The following TYW1 variants were observed in gnomAD, a reference collection of about 807,000 sequenced individuals.
TYW1 encodes the protein S-adenosyl-L-methionine-dependent tRNA 4-demethylwyosine synthase TYW1.
TYW1 carries 46 observed loss-of-function variants against 96.2 expected under a neutral mutation model. That is an observed-to-expected ratio of 0.48 (90% CI 0.38 to 0.61). TYW1 has a LOEUF of 0.61. Among genes scored for constraint, TYW1 ranks in the 20% least tolerant of loss-of-function variants. The probability of loss-of-function intolerance (pLI) is 0.00; values close to 1 mark genes in which losing one functional copy is unlikely to be tolerated. For missense variants in TYW1, 684 were observed against 909.6 expected (o/e 0.75, Z 3.19); for synonymous variants, 274 against 323.0 (o/e 0.85, Z 1.63).
chr7:67,084,037 GAAATAAAT>G (rs535966004), intron 11 of TYW1, among the ~76,000 whole-genome samples: 1 of 152,072 alleles, frequency 6.6e-6, no homozygotes, highest in Admixed American at 6.6e-5. Flanking sequence ...CTCCATCTCA[GAAATAAAT>G]AAATAAATAA....
chr7:67,090,292 T>C (rs1026793450), intron 11 of TYW1, among the ~76,000 whole-genome samples: 3 of 152,202 alleles, frequency 2.0e-5, no homozygotes, highest in Admixed American at 6.5e-5. Flanking sequence ...GGGCAGGTCG[T>C]TGGGAAGATT....
At chr7:66,999,952 T>C (rs550621191) in intron 3 of TYW1, among the ~76,000 whole-genome samples, 4 of 152,226 alleles carry the variant, frequency 2.6e-5, no homozygotes. Context: ...TTTCTTTTTT[T>C]AAAGACAGGG....
At chr7:67,168,154 CA>C (rs1365291108) in intron 13 of TYW1, among the ~76,000 whole-genome samples, 1 of 136,050 alleles carries the variant, frequency 7.4e-6, no homozygotes, top group Admixed American at 7.3e-5. Context: ...TTTATCATAT[CA>C]TTTTTTTTGC....
chr7:67,214,542 T>C (rs1801146228), intron 15 of TYW1, among the ~76,000 whole-genome samples: 1 of 152,176 alleles, frequency 6.6e-6, no homozygotes, highest in Non-Finnish European at 1.5e-5. Context: ...TAATCTTGAA[T>C]AGGAATGGTG....
At chr7:67,173,172 ATG>A (rs978969491) in intron 13 of TYW1, among the ~76,000 whole-genome samples, 3 of 152,158 alleles carry the variant, frequency 2.0e-5, no homozygotes, top group Non-Finnish European at 4.4e-5. Flanking sequence ...TTCCAAAAGA[ATG>A]TGTTTTTATA....
At chr7:67,021,545 C>T (rs1284653970) in intron 6 of TYW1, among the ~76,000 whole-genome samples, 6 of 152,268 alleles carry the variant, frequency 3.9e-5, no homozygotes, top group African/African-American at 7.2e-5. Context: ...ATTTGGAGCC[C>T]ACTGCATGGC....
intron 9 of TYW1, among the ~76,000 whole-genome samples, chr7:67,061,154 G>C (rs11768286): frequency 0.063 from 9,621 of 152,204 alleles, 420 homozygotes; most frequent in South Asian, 0.11. Flanking sequence ...TTTGAACCCG[G>C]GAGGTGGAGG....
intron 7 of TYW1, among the ~76,000 whole-genome samples, chr7:67,042,099 A>G (rs1041016681): frequency 2.0e-5 from 3 of 147,540 alleles, no homozygotes; most frequent in Non-Finnish European, 4.5e-5. Flanking sequence ...CAATTATATA[A>G]TTAGAATTAG....
intron 13 of TYW1, among the ~76,000 whole-genome samples, chr7:67,165,884 C>T (rs1188786164): frequency 2.0e-5 from 3 of 152,024 alleles, no homozygotes; most frequent in East Asian, 1.9e-4. Context: ...GAGCCAAGAT[C>T]GTGCCACTGC....
chr7:67,235,593 G>T (rs1801858549), intron 15 of TYW1, among the ~76,000 whole-genome samples: 1 of 152,088 alleles, frequency 6.6e-6, no homozygotes, highest in African/African-American at 2.4e-5. Flanking sequence ...TTCTAGATTT[G>T]TTAAGAGGTG....
chr7:67,096,222 T>C (rs1584555145), intron 11 of TYW1, among the ~76,000 whole-genome samples: 1 of 152,094 alleles, frequency 6.6e-6, no homozygotes, highest in East Asian at 1.9e-4. Context: ...ACCACATCTC[T>C]ACTGAAACTA....
chr7:67,211,543 C>T (rs1045607308), intron 15 of TYW1, among the ~76,000 whole-genome samples: 3 of 152,198 alleles, frequency 2.0e-5, no homozygotes, highest in East Asian at 1.9e-4. Context: ...TAGGCCTTCT[C>T]AGCTGACAGA....
intron 7 of TYW1, among the ~76,000 whole-genome samples, chr7:67,041,701 G>A (rs367687965): frequency 6.6e-6 from 1 of 152,106 alleles, no homozygotes; most frequent in Admixed American, 6.6e-5. Flanking sequence ...TGTTACTGTC[G>A]AGGGAAGTAG....
intron 5 of TYW1, among the ~76,000 whole-genome samples, chr7:67,017,150 T>G (rs1224833598): frequency 6.6e-6 from 1 of 151,908 alleles, no homozygotes; most frequent in Admixed American, 6.6e-5. Flanking sequence ...GCCCCACTAA[T>G]TTTTGTATTT....
intron 15 of TYW1, among the ~76,000 whole-genome samples, chr7:67,197,428 C>T (rs1200993322): frequency 2.6e-5 from 4 of 151,948 alleles, no homozygotes; most frequent in Non-Finnish European, 2.9e-5. Flanking sequence ...TCGCTTCAAG[C>T]GATTCTCCTG....
intron 13 of TYW1, among the ~76,000 whole-genome samples, chr7:67,180,425 A>ATATATATATATATTATT (rs1563058168): frequency 1.9e-4 from 13 of 68,624 alleles, no homozygotes; most frequent in South Asian, 4.8e-4. Flanking sequence ...TATATATATA[A>ATATATATATATATTATT]TTTTTTTTTT....
intron 3 of TYW1, among the ~76,000 whole-genome samples, chr7:67,007,526 A>C (rs1793641371): frequency 6.6e-6 from 1 of 152,136 alleles, no homozygotes; most frequent in Non-Finnish European, 1.5e-5. Flanking sequence ...ATTCGAGCTC[A>C]CTTCCAACAT....
intron 7 of TYW1, among the ~76,000 whole-genome samples, chr7:67,048,617 C>T (rs1795260419): frequency 6.6e-6 from 1 of 152,066 alleles, no homozygotes; most frequent in East Asian, 1.9e-4. Flanking sequence ...CATATCAAGC[C>T]AGTTACAATG....
At chr7:67,208,307 C>T (rs1435692130) in intron 15 of TYW1, among the ~76,000 whole-genome samples, 2 of 152,016 alleles carry the variant, frequency 1.3e-5, no homozygotes, top group African/African-American at 4.8e-5. Flanking sequence ...GGGAACAGAG[C>T]CAGACCTTGT....
Sources: gnomAD v4.1 joint callset for allele counts (sites outside exome capture counted in the v4.1 genomes callset) on GRCh38, gnomAD v4.1.1 for gene constraint, MANE v1.5 for transcripts, NCBI Gene and HGNC (gene_info 2026-07-23, HGNC 2026-07-21) for gene names.